Variants in MYO16 observed in about 807,000 individuals in gnomAD.
MYO16 encodes myosin XVI, also known as unconventional myosin-XVI.
Under a neutral mutation model 205.3 loss-of-function variants are expected in MYO16, and 94 were observed. The ratio of observed to expected loss-of-function variants is 0.46; its 90% confidence interval spans 0.39 to 0.54. The LOEUF (loss-of-function observed/expected upper bound fraction) is 0.54. Among genes scored for constraint, MYO16 ranks in the 20% least tolerant of loss-of-function variants. The probability of loss-of-function intolerance (pLI) is 0.00; values close to 1 mark genes in which losing one functional copy is unlikely to be tolerated. For synonymous variants in MYO16, 988 were observed against 954.0 expected, an observed-to-expected ratio of 1.04 and a Z score of -0.66; for missense variants, 2,315 against 2,387.5, an observed-to-expected ratio of 0.97 and a Z score of 0.63.
chr13:108,878,738 G>A (rs774808096), intron 12 of MYO16, among the ~76,000 whole-genome samples: 3 of 152,214 alleles, frequency 2.0e-5, no homozygotes, highest in Admixed American at 6.5e-5. Context: ...ACGCTACTAT[G>A]GGGCCAAAGC....
chr13:108,717,185 C>A (rs923045127), intron 3 of MYO16, among the ~76,000 whole-genome samples: 1 of 152,136 alleles, frequency 6.6e-6, no homozygotes, highest in African/African-American at 2.4e-5. Flanking sequence ...TGAGAAGGCG[C>A]TCCCAATGGT....
chr13:109,035,250 A>C (rs1373455529), intron 23 of MYO16, among the ~76,000 whole-genome samples: 1 of 152,216 alleles, frequency 6.6e-6, no homozygotes, highest in African/African-American at 2.4e-5. Context: ...ACTTTTCAAA[A>C]AATGCTAACT....
intron 11 of MYO16, among the ~76,000 whole-genome samples, chr13:108,865,286 C>CATGA (rs145080559): frequency 0.013 from 2,047 of 152,170 alleles, 51 homozygotes; most frequent in African/African-American, 0.046. Flanking sequence ...TAATTGTGAA[C>CATGA]TCATATTTTT....
the MYO16 span, among the ~76,000 whole-genome samples, chr13:108,572,770 C>T: frequency 2.0e-5 from 3 of 152,050 alleles, no homozygotes; most frequent in South Asian, 2.1e-4. Context: ...CTAGATCTAT[C>T]GGTATATTTG....
intron 1 of MYO16, among the ~76,000 whole-genome samples, chr13:108,657,588 T>C (rs1881302266): frequency 6.6e-6 from 1 of 152,216 alleles, no homozygotes; most frequent in South Asian, 2.1e-4. Flanking sequence ...AATCAATGTT[T>C]TTTTATCTTC....
At chr13:108,962,616 A>G in intron 19 of MYO16, 121 bp downstream of exon 19, 2 of 714,966 alleles carry the variant, frequency 2.8e-6, no homozygotes, top group East Asian at 2.8e-5. Flanking sequence ...AAATGAGGAA[A>G]GCATTCTGAG....
intron 3 of MYO16, among the ~76,000 whole-genome samples, chr13:108,725,487 G>A (rs1228351947): frequency 6.6e-6 from 1 of 152,064 alleles, no homozygotes; most frequent in Non-Finnish European, 1.5e-5. Context: ...TTTTAGTTGG[G>A]AACAGAACAG....
chr13:108,569,851 A>G, the MYO16 span, among the ~76,000 whole-genome samples: 1 of 152,202 alleles, frequency 6.6e-6, no homozygotes, highest in Non-Finnish European at 1.5e-5. Flanking sequence ...AACATGCGCT[A>G]TTATTGTCTA....
intron 5 of MYO16, among the ~76,000 whole-genome samples, chr13:108,788,482 G>A (rs1490616935): frequency 6.6e-6 from 1 of 152,126 alleles, no homozygotes; most frequent in African/African-American, 2.4e-5. Flanking sequence ...GAGCACCCAG[G>A]ACAAAAGATC....
At chr13:108,869,587 C>T (rs946191566) in intron 12 of MYO16, among the ~76,000 whole-genome samples, 5 of 150,074 alleles carry the variant, frequency 3.3e-5, no homozygotes, top group Admixed American at 6.6e-5. Context: ...AAAAGTTAGC[C>T]GGGCGTCGTG....
chr13:109,182,740 G>A (rs1044375855), intron 34 of MYO16, among the ~76,000 whole-genome samples: 1 of 152,108 alleles, frequency 6.6e-6, no homozygotes, highest in Non-Finnish European at 1.5e-5. Flanking sequence ...TAGGGCTGGA[G>A]CCTTAATATA....
chr13:108,782,845 A>G (rs1477838229), intron 4 of MYO16, among the ~76,000 whole-genome samples: 1 of 152,166 alleles, frequency 6.6e-6, no homozygotes, highest in Non-Finnish European at 1.5e-5. Context: ...TTGAGCCTGC[A>G]GGTAGACAGA....
At chr13:108,671,404 C>T (rs968029074) in intron 2 of MYO16, among the ~76,000 whole-genome samples, 1 of 152,132 alleles carries the variant, frequency 6.6e-6, no homozygotes, top group African/African-American at 2.4e-5. Flanking sequence ...ACAAAAATTT[C>T]TGAAGATATC....
intron 23 of MYO16, among the ~76,000 whole-genome samples, chr13:109,022,212 T>G (rs61970228): frequency 1.5e-5 from 2 of 134,860 alleles, no homozygotes; most frequent in South Asian, 2.2e-4. Flanking sequence ...TTTATAATTT[T>G]TATATTTATA....
intron 27 of MYO16, among the ~76,000 whole-genome samples, chr13:109,075,740 T>C (rs1483747617): frequency 6.6e-6 from 1 of 152,190 alleles, no homozygotes. Flanking sequence ...TGTTCAGGTA[T>C]GTTGCATAAA....
chr13:108,603,582 T>C (rs927854), intron 1 of MYO16, among the ~76,000 whole-genome samples: 1,902 of 152,276 alleles, frequency 0.012, 27 homozygotes, highest in South Asian at 0.077. Flanking sequence ...TTTCAATTCA[T>C]GTGATTAACT....
upstream of MYO16, among the ~76,000 whole-genome samples, chr13:108,624,770 T>C (rs1323974013): frequency 1.4e-5 from 2 of 145,236 alleles, no homozygotes; most frequent in African/African-American, 2.6e-5. Context: ...AATTAGAACA[T>C]CCCATATAGC....
chr13:108,788,147 G>A (rs1419468571), intron 5 of MYO16, among the ~76,000 whole-genome samples: 1 of 152,102 alleles, frequency 6.6e-6, no homozygotes, highest in Admixed American at 6.5e-5. Context: ...TTTCGCATCC[G>A]AGTACTTATC....
chr13:108,941,608 C>T (rs1395535510), intron 16 of MYO16, among the ~76,000 whole-genome samples: 1 of 140,386 alleles, frequency 7.1e-6, no homozygotes, highest in Non-Finnish European at 1.5e-5. Context: ...ACCTGGGAGG[C>T]AGAGTTTGTA....
Sources: gnomAD v4.1 joint callset for allele counts (sites outside exome capture counted in the v4.1 genomes callset) on GRCh38, gnomAD v4.1.1 for gene constraint, MANE v1.5 for transcripts, NCBI Gene and HGNC (gene_info 2026-07-23, HGNC 2026-07-21) for gene names.